The following SNX29 variants were observed in gnomAD, a reference collection of about 807,000 sequenced individuals.
SNX29 encodes sorting nexin-29.
A neutral mutation model predicts 102.1 loss-of-function variants in SNX29; 78 were observed. The ratio of observed to expected loss-of-function variants is 0.76; its 90% CI spans 0.64 to 0.92. The LOEUF is 0.92. Among genes scored for constraint, SNX29 ranks in the 40% least tolerant of loss-of-function variants. The pLI is 0.00. For synonymous variants in SNX29, 580 were observed against 414.5 expected, an observed-to-expected ratio of 1.40 and a Z score of -4.85; for missense variants, 1,280 against 1,061.7, an observed-to-expected ratio of 1.21 and a Z score of -2.86.
rs548860462 is a variant in SNX29, at chr16:12,242,663, T to TC, written c.1679-35270_1679-35269insC. Among the ~76,000 whole-genome samples the TC allele has an allele frequency of 4.0e-3, 611 of 151,382 alleles. 6 individuals are homozygous for TC. The highest frequency in any genetic ancestry group is 0.014 in the African/African-American group (575 of 41,228). ...TTTTCTTCTTGTCTTCTCTTCTCTTTTTTTTTTTGAGGCAGGGTCTTACTG... is the reference window on the plus strand; with the variant it reads ...TTTTCTTCTTGTCTTCTCTTCTCTTTCTTTTTTTTGAGGCAGGGTCTTACTG... On this transcript the variant is annotated intron_variant, in intron 14 of 20. Transcript: ENST00000566228.
chr16:12,379,382 A>G (rs575251344), intron 16 of SNX29, among the ~76,000 whole-genome samples: 1 of 152,270 alleles, frequency 6.6e-6, no homozygotes, highest in African/African-American at 2.4e-5. Context: ...TTGGCCTCCT[A>G]AAAGTATTGG....
chr16:12,389,450 G>C (rs927745510), intron 16 of SNX29, among the ~76,000 whole-genome samples: 4 of 151,966 alleles, frequency 2.6e-5, no homozygotes, highest in African/African-American at 9.7e-5. Context: ...CTTTCGCTTG[G>C]CTCTCATTCT....
At chr16:12,448,352 C>G (rs2086156029) in intron 18 of SNX29, among the ~76,000 whole-genome samples, 1 of 152,182 alleles carries the variant, frequency 6.6e-6, no homozygotes, top group Non-Finnish European at 1.5e-5. Context: ...CAGACACCAG[C>G]TGAGTATTGG....
intron 20 of SNX29, among the ~76,000 whole-genome samples, chr16:12,535,115 C>T (rs149926234): frequency 4.6e-5 from 7 of 152,244 alleles, no homozygotes; most frequent in South Asian, 2.1e-4. Context: ...ATTTAGCACC[C>T]GCCAGGGTCC....
intron 18 of SNX29, among the ~76,000 whole-genome samples, chr16:12,442,466 G>C (rs1194011906): frequency 6.6e-6 from 1 of 152,198 alleles, no homozygotes; most frequent in East Asian, 1.9e-4. Flanking sequence ...TAAAGGGCCA[G>C]ATAGTAAATA....
At chr16:12,364,729 A>G (rs1034890548) in intron 16 of SNX29, among the ~76,000 whole-genome samples, 9 of 152,108 alleles carry the variant, frequency 5.9e-5, no homozygotes, top group Non-Finnish European at 1.5e-5. Context: ...ATTCCTCTTT[A>G]TTTTGGTCCC....
At chr16:12,557,094 C>A (rs957861397) in intron 20 of SNX29, among the ~76,000 whole-genome samples, 2 of 150,818 alleles carry the variant, frequency 1.3e-5, no homozygotes, top group African/African-American at 4.9e-5. Context: ...AGCCATCTAG[C>A]TGCCTCAACC....
chr16:12,540,427 C>T (rs970738931), intron 20 of SNX29, among the ~76,000 whole-genome samples: 11 of 152,224 alleles, frequency 7.2e-5, no homozygotes, highest in East Asian at 1.9e-4. Context: ...ATTTATTCTC[C>T]AGCTGCTGTG....
At chr16:12,341,373 A>G (rs1332411232) in intron 15 of SNX29, among the ~76,000 whole-genome samples, 2 of 152,236 alleles carry the variant, frequency 1.3e-5, no homozygotes, top group Non-Finnish European at 2.9e-5. Flanking sequence ...AGCTGCCTTT[A>G]ACAAATGTCT....
chr16:12,340,305 C>T (rs1409559617), intron 15 of SNX29, among the ~76,000 whole-genome samples: 1 of 152,156 alleles, frequency 6.6e-6, no homozygotes, highest in East Asian at 1.9e-4. Flanking sequence ...CTATTGAAGC[C>T]CAACCTTTTG....
intron 17 of SNX29, among the ~76,000 whole-genome samples, chr16:12,401,938 C>G (rs2083962075): frequency 6.6e-6 from 1 of 152,154 alleles, no homozygotes; most frequent in African/African-American, 2.4e-5. Flanking sequence ...GCTGGGGTAA[C>G]CTCGCTCTAA....
intron 14 of SNX29, among the ~76,000 whole-genome samples, chr16:12,265,893 A>G (rs1256986002): frequency 1.3e-5 from 2 of 151,878 alleles, no homozygotes; most frequent in East Asian, 3.9e-4. Context: ...CTGTCTCAAA[A>G]AAAGAAAACT....
At chr16:12,295,222 C>T (rs976427622) in intron 15 of SNX29, among the ~76,000 whole-genome samples, 2 of 152,152 alleles carry the variant, frequency 1.3e-5, no homozygotes, top group African/African-American at 4.8e-5. Flanking sequence ...CTTGCTTCTC[C>T]ACTTCTACTC....
At chr16:12,385,553 C>T (rs1185986945) in intron 16 of SNX29, among the ~76,000 whole-genome samples, 2 of 152,200 alleles carry the variant, frequency 1.3e-5, no homozygotes, top group Non-Finnish European at 2.9e-5. Flanking sequence ...GTCCCTGCAG[C>T]CTCTGCTCTC....
chr16:12,070,283 C>T (rs1171659801), intron 10 of SNX29, among the ~76,000 whole-genome samples: 1 of 149,578 alleles, frequency 6.7e-6, no homozygotes, highest in Admixed American at 6.7e-5. Context: ...CCCATTAACT[C>T]GTCATTTAGC....
At position 12,569,072 on chromosome 16, in the gene SNX29, T is replaced by C; in HGVS notation, c.*443T>C. ...ACTAGAATGACTATTAGCCTCTCCT[T>C]TTGCTTTTTAAGGTTATTACCTGGC... is the stretch of plus-strand genomic sequence containing the variant. On this transcript the variant is annotated 3_prime_UTR_variant, in exon 21 of 21. Transcript: ENST00000566228. 1 of 190,616 alleles carries C rather than the reference T, an allele frequency of 5.2e-6. No homozygotes were observed. Among genetic ancestry groups the C allele is most frequent in the Non-Finnish European group, 1.0e-5 (1 of 96,178 alleles). The allele number at this position is 190,616 out of a possible 1,614,324, so 11.8% of individuals were successfully genotyped here. A position where few individuals can be genotyped will look rare whatever the true frequency, so the allele number is the denominator to read the frequency against.
chr16:12,081,664 CTCTT>C (rs1217871039), intron 11 of SNX29: 2 of 102,102 alleles, frequency 2.0e-5, no homozygotes, highest in Admixed American at 2.9e-4. Flanking sequence ...CAGAGCGAGA[CTCTT>C]TGTCTCAAAA....
At chr16:12,559,972 C>G (rs1033551563) in intron 20 of SNX29, among the ~76,000 whole-genome samples, 1 of 151,984 alleles carries the variant, frequency 6.6e-6, no homozygotes, top group Non-Finnish European at 1.5e-5. Flanking sequence ...GAGCAAGACT[C>G]CACCACGAAA....
intron 16 of SNX29, among the ~76,000 whole-genome samples, chr16:12,392,418 C>A (rs1279724330): frequency 1.3e-5 from 2 of 152,092 alleles, no homozygotes; most frequent in African/African-American, 4.8e-5. Context: ...TTCCCCATGC[C>A]CTTTGCCTCC....
Sources: allele counts gnomAD v4.1 joint callset (sites outside exome capture counted in the v4.1 genomes callset), GRCh38; gene constraint gnomAD v4.1.1; transcripts MANE v1.5; gene names NCBI Gene and HGNC (gene_info 2026-07-23, HGNC 2026-07-21).